RAPGEF2: variants seen among roughly 807,000 people sequenced by gnomAD.
The protein encoded by RAPGEF2 is Rap guanine nucleotide exchange factor 2, also known as PDZ domain containing guanine nucleotide exchange factor (GEF) 1.
A neutral mutation model predicts 186.7 loss-of-function variants in RAPGEF2; 54 were observed. The observed-to-expected ratio is 0.29, with a 90% CI of 0.23 to 0.36. The LOEUF (loss-of-function observed/expected upper bound fraction) is 0.36, where lower values mean the gene tolerates loss of function less well. RAPGEF2 is among the 10% of genes least tolerant of loss of function. The pLI is 1.00. For missense variants in RAPGEF2, 1,532 were observed against 2,045.0 expected, an observed-to-expected ratio of 0.75 and a Z score of 4.84; for synonymous variants, 712 against 705.9, an observed-to-expected ratio of 1.01 and a Z score of -0.14.
chr4:159,178,039 G>C (rs1223589601), intron 1 of RAPGEF2, among the ~76,000 whole-genome samples: 1 of 152,044 alleles, frequency 6.6e-6, no homozygotes, highest in African/African-American at 2.4e-5. Flanking sequence ...ACCTCCATAG[G>C]CCTGCTAATT....
intron 7 of RAPGEF2, among the ~76,000 whole-genome samples, chr4:159,253,549 AATT>A (rs1261974999): frequency 7.2e-5 from 11 of 152,282 alleles, no homozygotes; most frequent in South Asian, 2.1e-4. Flanking sequence ...ATCATTAGCA[AATT>A]ATTATCATCT....
intron 1 of RAPGEF2, among the ~76,000 whole-genome samples, chr4:159,117,464 C>T (rs1739166893): frequency 1.3e-5 from 2 of 152,116 alleles, no homozygotes; most frequent in African/African-American, 4.8e-5. Context: ...ATTCTATTTT[C>T]TCTGGTGTGG....
At chr4:159,174,130 T>G (rs1375027037) in intron 1 of RAPGEF2, among the ~76,000 whole-genome samples, 1 of 152,262 alleles carries the variant, frequency 6.6e-6, no homozygotes, top group Non-Finnish European at 1.5e-5. Context: ...AATTGTTGCT[T>G]CTTCTAATGA....
intron 1 of RAPGEF2, among the ~76,000 whole-genome samples, chr4:159,113,697 G>A (rs138928385): frequency 7.0e-6 from 1 of 141,882 alleles, no homozygotes; most frequent in East Asian, 2.1e-4. Flanking sequence ...AGCCGAGATT[G>A]CACCATTGCC....
chr4:159,323,346 G>A lies in RAPGEF2; in HGVS notation c.991-113G>A, dbSNP rs538654961. On this transcript the variant is annotated intron_variant, in intron 10 of 29. Transcript: ENST00000691494. Reference sequence around the variant, plus strand: ...GTTAAACAGTAAACTTGAGTTACTTGTTTTATCTCCAAAATGGAAGATCTG... The same window carrying A: ...GTTAAACAGTAAACTTGAGTTACTTATTTTATCTCCAAAATGGAAGATCTG... The A allele has an allele frequency of 8.0e-5, 69 of 862,956 alleles. 2 individuals carry two copies. The highest frequency in any genetic ancestry group is 8.6e-5 in the Non-Finnish European group (50 of 583,812). 53.5% of individuals were successfully genotyped at this position (862,956 alleles called of 1,614,324 possible).
At chr4:159,356,222 A>G in intron 29 of RAPGEF2, 64 bp downstream of exon 29, 3 of 1,488,154 alleles carry the variant, frequency 2.0e-6, no homozygotes, top group South Asian at 2.6e-5. Flanking sequence ...CTGCTTCCCA[A>G]GGCATTTCTG....
At chr4:159,259,250 C>A (rs1756530145) in intron 7 of RAPGEF2, among the ~76,000 whole-genome samples, 4 of 151,888 alleles carry the variant, frequency 2.6e-5, no homozygotes, top group Admixed American at 2.6e-4. Flanking sequence ...AAAATGTGGC[C>A]CAAAGGAGAT....
rs565996222 is a variant in RAPGEF2, at chr4:159,306,051, GTTA to G, written c.675+1583_675+1585del. 2.7e-3 allele frequency among the ~76,000 whole-genome samples: 404 copies of G among 151,862 alleles called. 1 individual carries two copies. Among genetic ancestry groups the G allele is most frequent in the Middle Eastern group, 6.8e-3 (2 of 292 alleles). ...TTAATACCAGTATCATGCTGTTTTA[GTTA>G]TTATAACCTTGTAGTATAATTTGTT... On this transcript the variant is annotated intron_variant, in intron 8 of 29. Transcript: ENST00000691494.
chr4:159,212,172 G>T (rs953374272), intron 4 of RAPGEF2, among the ~76,000 whole-genome samples: 1 of 152,130 alleles, frequency 6.6e-6, no homozygotes, highest in Non-Finnish European at 1.5e-5. Flanking sequence ...GAGTGACCCT[G>T]TGAACCAGCT....
intron 1 of RAPGEF2, among the ~76,000 whole-genome samples, chr4:159,146,584 T>C (rs941043558): frequency 1.3e-5 from 2 of 152,204 alleles, no homozygotes; most frequent in Non-Finnish European, 2.9e-5. Flanking sequence ...ATTATCATGT[T>C]ACAGATGAGG....
chr4:159,111,727 A>AT (rs1228802271), intron 1 of RAPGEF2, among the ~76,000 whole-genome samples: 4 of 152,170 alleles, frequency 2.6e-5, no homozygotes, highest in African/African-American at 9.7e-5. Flanking sequence ...AATGTATTTT[A>AT]TTTTTTAATG....
chr4:159,193,161 G>A (rs757632578), intron 2 of RAPGEF2, 39 bp from the exon 3 acceptor site: 1 of 1,309,224 alleles, frequency 7.6e-7, no homozygotes, highest in Non-Finnish European at 1.0e-6. Flanking sequence ...CTGTTTTTTA[G>A]TGACAGATGT....
chr4:159,353,122 G>T lies in RAPGEF2; in HGVS notation c.4091+212G>T, dbSNP rs1213678502. 4.6e-5 allele frequency among the ~76,000 whole-genome samples: 7 copies of T among 152,046 alleles called. No homozygotes were observed. Among genetic ancestry groups the T allele is most frequent in the African/African-American group, 1.5e-4 (6 of 41,378 alleles). On this transcript the variant is annotated intron_variant, in intron 27 of 29. Transcript: ENST00000691494. This position sits in a 1 kb window ranked among gnomAD's most constrained non-coding sequence, Gnocchi z 4.3. ...TTTTAGTTAAGTTTATTCTTCATTG[G>T]AACACAGTTGTTCTGTGCTGAAGGC...
At chr4:159,173,238 C>T (rs1423508667) in intron 1 of RAPGEF2, among the ~76,000 whole-genome samples, 1 of 152,116 alleles carries the variant, frequency 6.6e-6, no homozygotes, top group Non-Finnish European at 1.5e-5. Context: ...ATATTTAAAA[C>T]CTTCCATTCA....
intron 7 of RAPGEF2, among the ~76,000 whole-genome samples, chr4:159,253,019 T>G (rs1028290725): frequency 2.6e-5 from 4 of 152,260 alleles, no homozygotes; most frequent in African/African-American, 9.6e-5. Flanking sequence ...ATGTTTAATA[T>G]TGGTCTAATA....
At chr4:159,177,541 C>T (rs557405584) in intron 1 of RAPGEF2, among the ~76,000 whole-genome samples, 22 of 152,324 alleles carry the variant, frequency 1.4e-4, no homozygotes, top group Admixed American at 5.2e-4. Flanking sequence ...AGGATTTGAA[C>T]TCTGCCCATC....
chr4:159,338,515 A>C, intron 18 of RAPGEF2, 47 bp downstream of exon 18: 1 of 1,509,128 alleles, frequency 6.6e-7, no homozygotes. Flanking sequence ...TTATCTTTTT[A>C]TTTCTAACAT....
intron 22 of RAPGEF2, 22 bp from the exon 23 acceptor site, chr4:159,344,014 T>C: frequency 6.5e-7 from 1 of 1,530,090 alleles, no homozygotes; most frequent in Non-Finnish European, 9.1e-7. Flanking sequence ...CATGCTTCAA[T>C]CTCCATGGCT....
intron 7 of RAPGEF2, among the ~76,000 whole-genome samples, chr4:159,262,730 A>G (rs1757013306): frequency 1.3e-5 from 2 of 152,208 alleles, no homozygotes; most frequent in South Asian, 2.1e-4. Context: ...TCTTATAGAT[A>G]GTTGCCACAT....
Sources: allele counts gnomAD v4.1 joint callset (sites outside exome capture counted in the v4.1 genomes callset), GRCh38; gene constraint gnomAD v4.1.1; non-coding constraint Gnocchi (gnomAD v3.1); transcripts MANE v1.5; gene names NCBI Gene and HGNC (gene_info 2026-07-23, HGNC 2026-07-21).